The following KIAA1217 variants were observed in gnomAD, a reference collection of about 807,000 sequenced individuals.
KIAA1217 encodes the protein KIAA1217.
A neutral mutation model predicts 163.9 loss-of-function variants in KIAA1217; 88 were observed. The ratio of observed to expected loss-of-function variants is 0.54; its 90% CI spans 0.45 to 0.64. The LOEUF (loss-of-function observed/expected upper bound fraction) is 0.64, where lower values mean the gene tolerates loss of function less well. KIAA1217 is among the 30% of genes least tolerant of loss of function. The pLI, the probability that KIAA1217 is intolerant of heterozygous loss-of-function variation, is 0.00. For missense variants in KIAA1217, 2,372 were observed against 2,475.0 expected (o/e 0.96, Z 0.88); for synonymous variants, 903 against 923.1 (o/e 0.98, Z 0.39).
chr10:24,169,423 A>G (rs774756093), intron 2 of KIAA1217, among the ~76,000 whole-genome samples: 6 of 143,576 alleles, frequency 4.2e-5, no homozygotes, highest in African/African-American at 2.6e-5. Context: ...TCTCTAGCAT[A>G]TATTCTGCTT....
chr10:23,759,945 T>C (rs1392777913), intron 1 of KIAA1217, among the ~76,000 whole-genome samples: 1 of 152,228 alleles, frequency 6.6e-6, no homozygotes, highest in Non-Finnish European at 1.5e-5. Flanking sequence ...GGAGGAAGAA[T>C]AATTTCCTTT....
chr10:24,138,096 C>T (rs576132248), intron 2 of KIAA1217, among the ~76,000 whole-genome samples: 4 of 152,156 alleles, frequency 2.6e-5, no homozygotes, highest in East Asian at 1.9e-4. Context: ...TAGTATTATG[C>T]GTAGTTTTCT....
intron 2 of KIAA1217, among the ~76,000 whole-genome samples, chr10:24,054,542 T>A (rs1056775276): frequency 6.6e-6 from 1 of 152,170 alleles, no homozygotes; most frequent in Non-Finnish European, 1.5e-5. Flanking sequence ...CTTTTAAAAC[T>A]CCAGGCCAGG....
chr10:24,160,726 G>C (rs936287230), intron 2 of KIAA1217, among the ~76,000 whole-genome samples: 18 of 152,110 alleles, frequency 1.2e-4, no homozygotes, highest in Admixed American at 6.5e-5. Context: ...TAACTGTGCT[G>C]TCCTCTTTTG....
rs190093782 is a variant in KIAA1217, at chr10:24,329,418, G to T, written c.355-51451G>T. 3.8e-3 allele frequency among the ~76,000 whole-genome samples: 571 copies of T among 151,838 alleles called. 7 individuals carry two copies. Among genetic ancestry groups the T allele is most frequent in the African/African-American group, 0.013 (546 of 41,412 alleles). On this transcript the variant is annotated intron_variant, in intron 2 of 20. Coordinates refer to ENST00000376454, the MANE Select transcript of KIAA1217 (RefSeq NM_019590.5). ...CTTAATTAATACAAAATCTTTTCTA[G>T]AGTAAAATCATTATAAATTCCCCTT... is the stretch of plus-strand genomic sequence containing the variant.
At chr10:23,852,229 A>G (rs1386854340) in intron 1 of KIAA1217, among the ~76,000 whole-genome samples, 1 of 152,180 alleles carries the variant, frequency 6.6e-6, no homozygotes, top group Non-Finnish European at 1.5e-5. Context: ...AGCTTTCTAC[A>G]TATGGCTAGC....
chr10:24,161,960 AC>A (rs1777419273), intron 2 of KIAA1217, among the ~76,000 whole-genome samples: 1 of 152,200 alleles, frequency 6.6e-6, no homozygotes, highest in African/African-American at 2.4e-5. Context: ...ATGAGCTCAA[AC>A]TTAACAATGA....
At chr10:23,854,411 T>G (rs890911059) in intron 1 of KIAA1217, among the ~76,000 whole-genome samples, 14 of 152,208 alleles carry the variant, frequency 9.2e-5, no homozygotes, top group Non-Finnish European at 1.6e-4. Flanking sequence ...TTTTACATTT[T>G]CTGAGGAGTG....
chr10:23,920,839 G>A (rs1443769470), intron 1 of KIAA1217, among the ~76,000 whole-genome samples: 1 of 152,130 alleles, frequency 6.6e-6, no homozygotes, highest in Non-Finnish European at 1.5e-5. Flanking sequence ...TATCATGGAA[G>A]GGACACAGTG....
chr10:24,067,756 G>A (rs1403995042), intron 2 of KIAA1217, among the ~76,000 whole-genome samples: 1 of 152,242 alleles, frequency 6.6e-6, no homozygotes, highest in Non-Finnish European at 1.5e-5. Flanking sequence ...GCCTACAGAG[G>A]CAGGCAGGCC....
intron 1 of KIAA1217, among the ~76,000 whole-genome samples, chr10:23,967,144 GT>G (rs1787059884): frequency 6.6e-6 from 1 of 151,980 alleles, no homozygotes; most frequent in Non-Finnish European, 1.5e-5. Context: ...TGGCAAAATT[GT>G]TAGAAAATGA....
chr10:24,092,312 T>C (rs979279852), intron 2 of KIAA1217, among the ~76,000 whole-genome samples: 1 of 151,752 alleles, frequency 6.6e-6, no homozygotes, highest in African/African-American at 2.4e-5. Flanking sequence ...TCTCCACTCC[T>C]GTTTTGATCC....
At chr10:23,806,602 C>T (rs1455654477) in intron 1 of KIAA1217, among the ~76,000 whole-genome samples, 4 of 152,156 alleles carry the variant, frequency 2.6e-5, no homozygotes, top group African/African-American at 2.4e-5. Flanking sequence ...TTTGTATTCA[C>T]ATTTCATATT....
chr10:24,335,772 G>C (rs2046285348), intron 2 of KIAA1217, among the ~76,000 whole-genome samples: 1 of 151,950 alleles, frequency 6.6e-6, no homozygotes, highest in African/African-American at 2.4e-5. Flanking sequence ...ACCACACCCA[G>C]CCACTGTAAA....
At chr10:24,399,355 T>C (rs1458322400) in intron 3 of KIAA1217, among the ~76,000 whole-genome samples, 1 of 152,206 alleles carries the variant, frequency 6.6e-6, no homozygotes, top group Non-Finnish European at 1.5e-5. Flanking sequence ...ACTTATTCTT[T>C]TTACCGATGA....
chr10:23,781,905 T>C (rs1478648424), intron 1 of KIAA1217, among the ~76,000 whole-genome samples: 1 of 152,218 alleles, frequency 6.6e-6, no homozygotes, highest in Admixed American at 6.5e-5. Flanking sequence ...TTCTAGGCTC[T>C]GTATTCTGTT....
chr10:24,184,627 T>A (rs1186252177), intron 2 of KIAA1217, among the ~76,000 whole-genome samples: 2 of 152,324 alleles, frequency 1.3e-5, no homozygotes, highest in East Asian at 1.9e-4. Context: ...AAACTCCCAA[T>A]GCACTGATTG....
chr10:24,176,148 T>C (rs1031325961), intron 2 of KIAA1217, among the ~76,000 whole-genome samples: 1 of 152,200 alleles, frequency 6.6e-6, no homozygotes, highest in African/African-American at 2.4e-5. Flanking sequence ...AGGGTGTTGA[T>C]TGGTGCTTTT....
chr10:24,434,660 GGTGTCAT>G (rs961660919), intron 4 of KIAA1217, among the ~76,000 whole-genome samples: 1 of 152,126 alleles, frequency 6.6e-6, no homozygotes, highest in African/African-American at 2.4e-5. Flanking sequence ...TTGTCATTTT[GGTGTCAT>G]GTATACAGTA....
Sources: allele counts gnomAD v4.1 joint callset (sites outside exome capture counted in the v4.1 genomes callset), GRCh38; gene constraint gnomAD v4.1.1; transcripts MANE v1.5; gene names NCBI Gene and HGNC (gene_info 2026-07-23, HGNC 2026-07-21).